Variants in GLIS3 observed in about 807,000 individuals in gnomAD.
GLIS3 encodes the protein GLIS family zinc finger 3.
Under a neutral mutation model 78.6 loss-of-function variants are expected in GLIS3, and 53 were observed. The observed-to-expected ratio is 0.67, with a 90% confidence interval of 0.54 to 0.85. GLIS3 has a LOEUF of 0.85. Ranked by LOEUF, GLIS3 falls within the 40% of genes least tolerant of loss-of-function variation. The pLI is 0.00. For synonymous variants in GLIS3, 684 were observed against 509.9 expected, an observed-to-expected ratio of 1.34 and a Z score of -4.60; for missense variants, 1,703 against 1,231.1, an observed-to-expected ratio of 1.38 and a Z score of -5.74.
At chr9:4,376,905 C>T in the GLIS3 span, among the ~76,000 whole-genome samples, 21 of 134,384 alleles carry the variant, frequency 1.6e-4, 4 homozygotes, top group African/African-American at 5.0e-4. Flanking sequence ...TTCTTTGAGC[C>T]ACTGATTCCA....
chr9:4,100,777 A>C (rs1029288708), intron 4 of GLIS3, among the ~76,000 whole-genome samples: 1 of 152,206 alleles, frequency 6.6e-6, no homozygotes, highest in Admixed American at 6.5e-5. Context: ...CTGAGCATAG[A>C]AAGCCATTTT....
At chr9:4,014,945 G>T (rs1210116771) in intron 4 of GLIS3, among the ~76,000 whole-genome samples, 3 of 152,154 alleles carry the variant, frequency 2.0e-5, no homozygotes, top group Non-Finnish European at 2.9e-5. Flanking sequence ...CCAGACTCTG[G>T]AAATGATTAA....
intron 2 of GLIS3, among the ~76,000 whole-genome samples, chr9:4,185,009 A>C (rs1048102881): frequency 6.6e-6 from 1 of 152,244 alleles, no homozygotes. Flanking sequence ...TTTGATTATT[A>C]GTAAACTTAT....
intron 2 of GLIS3, among the ~76,000 whole-genome samples, chr9:4,142,759 A>C (rs527533474): frequency 6.6e-6 from 1 of 152,370 alleles, no homozygotes; most frequent in African/African-American, 2.4e-5. Flanking sequence ...ACTGTTAGAC[A>C]TTAATCTCAA....
At chr9:3,911,681 T>C (rs1247414011) in intron 6 of GLIS3, among the ~76,000 whole-genome samples, 1 of 152,214 alleles carries the variant, frequency 6.6e-6, no homozygotes, top group Non-Finnish European at 1.5e-5. Context: ...TGTGAGAAAG[T>C]TGTTTAACAT....
At chr9:4,065,002 G>C (rs1187544084) in intron 4 of GLIS3, among the ~76,000 whole-genome samples, 1 of 152,052 alleles carries the variant, frequency 6.6e-6, no homozygotes, top group African/African-American at 2.4e-5. Flanking sequence ...ATTAAAGCTG[G>C]CACTGTTACT....
intron 2 of GLIS3, among the ~76,000 whole-genome samples, chr9:4,128,572 T>G (rs1832741006): frequency 6.6e-6 from 1 of 152,244 alleles, no homozygotes; most frequent in Non-Finnish European, 1.5e-5. Context: ...CTGGTCATCT[T>G]TGTTGATGAT....
intron 1 of GLIS3, among the ~76,000 whole-genome samples, chr9:4,297,313 G>A (rs1035119828): frequency 2.6e-5 from 4 of 152,166 alleles, no homozygotes; most frequent in African/African-American, 9.7e-5. Context: ...CGGGACCTGA[G>A]AACTTTAAGG....
At chr9:4,448,501 C>T in the GLIS3 span, among the ~76,000 whole-genome samples, 2 of 152,208 alleles carry the variant, frequency 1.3e-5, no homozygotes, top group African/African-American at 4.8e-5. Flanking sequence ...TAAGTGATCT[C>T]CCCACTTCAG....
At chr9:3,974,569 G>C (rs895703132) in intron 4 of GLIS3, among the ~76,000 whole-genome samples, 1 of 152,150 alleles carries the variant, frequency 6.6e-6, no homozygotes, top group African/African-American at 2.4e-5. Flanking sequence ...AAGTCAATCA[G>C]CACCATTTGT....
At chr9:4,372,072 T>C in the GLIS3 span, among the ~76,000 whole-genome samples, 1 of 152,146 alleles carries the variant, frequency 6.6e-6, no homozygotes, top group South Asian at 2.1e-4. Flanking sequence ...ATTTTGAAGA[T>C]ATGACTGAGT....
chr9:4,387,238 G>T, the GLIS3 span, among the ~76,000 whole-genome samples: 1 of 152,062 alleles, frequency 6.6e-6, no homozygotes, highest in Admixed American at 6.6e-5. Context: ...ATTCTATTTT[G>T]GTTTGGTTTG....
Position 3,898,543 on chromosome 9 carries a change from G to C in GLIS3, c.2128+148C>G, listed in dbSNP as rs1471179925. ...GCTGCCACACCCAGCTCAGGAATCA[G>C]AAGGGGTGGAGAGCAATTTGCAGCC... On this transcript the variant is annotated intron_variant, in intron 7 of 10. Transcript: ENST00000381971. 5 of 831,702 alleles carry C rather than the reference G, an allele frequency of 6.0e-6. No homozygotes were observed. In the African/African-American group the frequency reaches 6.7e-5, roughly 11 times the overall value. 51.5% of individuals were successfully genotyped at this position (831,702 alleles called of 1,614,324 possible).
intron 4 of GLIS3, among the ~76,000 whole-genome samples, chr9:3,999,889 G>C (rs1238753232): frequency 2.0e-5 from 3 of 152,094 alleles, no homozygotes; most frequent in East Asian, 1.9e-4. Context: ...CAACATTTAA[G>C]TGTGGGGATA....
At chr9:4,185,895 C>G (rs1387359321) in intron 2 of GLIS3, among the ~76,000 whole-genome samples, 1 of 152,126 alleles carries the variant, frequency 6.6e-6, no homozygotes, top group African/African-American at 2.4e-5. Context: ...CACAAACCAG[C>G]CTTTCAGGGA....
chr9:4,469,880 A>G, the GLIS3 span, among the ~76,000 whole-genome samples: 15 of 152,200 alleles, frequency 9.9e-5, no homozygotes, highest in African/African-American at 3.1e-4. Context: ...AAATTGATAG[A>G]CCACTAGCAA....
chr9:4,456,677 C>A, the GLIS3 span, among the ~76,000 whole-genome samples: 3 of 152,180 alleles, frequency 2.0e-5, no homozygotes, highest in Non-Finnish European at 4.4e-5. Context: ...TTTAAAGCAA[C>A]TCTTCCTTTC....
chr9:4,390,212 G>A, the GLIS3 span, among the ~76,000 whole-genome samples: 1 of 152,218 alleles, frequency 6.6e-6, no homozygotes, highest in Non-Finnish European at 1.5e-5. Flanking sequence ...AGCAGCAGCC[G>A]CAGCTGAAGT....
chr9:3,877,819 C>A (rs1385061026), intron 8 of GLIS3, among the ~76,000 whole-genome samples: 5 of 152,056 alleles, frequency 3.3e-5, no homozygotes, highest in African/African-American at 1.2e-4. Context: ...CTTGTTTTTC[C>A]CGTCTCTCCT....
Sources: allele counts gnomAD v4.1 joint callset (sites outside exome capture counted in the v4.1 genomes callset), GRCh38; gene constraint gnomAD v4.1.1; transcripts MANE v1.5; gene names NCBI Gene and HGNC (gene_info 2026-07-23, HGNC 2026-07-21).